ROCK2: variants seen among roughly 807,000 people sequenced by gnomAD.
The protein encoded by ROCK2 is rho-associated protein kinase 2.
A neutral mutation model predicts 195.1 loss-of-function variants in ROCK2; 61 were observed. That is an observed-to-expected ratio of 0.31 (90% confidence interval 0.25 to 0.39). The LOEUF (loss-of-function observed/expected upper bound fraction) is 0.39, where lower values mean the gene tolerates loss of function less well. Among genes scored for constraint, ROCK2 ranks in the 10% least tolerant of loss-of-function variants. The pLI, the probability that ROCK2 is intolerant of heterozygous loss-of-function variation, is 1.00. For missense variants in ROCK2, 1,109 were observed against 1,637.4 expected, an observed-to-expected ratio of 0.68 and a Z score of 5.57; for synonymous variants, 504 against 545.5, an observed-to-expected ratio of 0.92 and a Z score of 1.06.
chr2:11,214,510 T>C lies in ROCK2; in HGVS notation c.1937-47A>G, dbSNP rs759686528. 3.8e-5 allele frequency: 41 copies of C among 1,066,116 alleles called. No individual in the cohort carries two copies. In the East Asian group the frequency reaches 5.0e-4, roughly 13 times the overall value. 66.0% of individuals were successfully genotyped at this position (1,066,116 alleles called of 1,614,324 possible). ...TAAAACATTAAACCCACAAAGTATA[T>C]ACATTCAATTAGGAATAAAAAGTTT... On this transcript the variant is annotated intron_variant, in intron 16 of 32. Coordinates refer to ENST00000315872, the MANE Select transcript of ROCK2 (RefSeq NM_004850.5).
At chr2:11,289,009 T>C (rs528006121) in intron 1 of ROCK2, among the ~76,000 whole-genome samples, 1 of 152,292 alleles carries the variant, frequency 6.6e-6, no homozygotes, top group South Asian at 2.1e-4. Context: ...TTAATTTTCA[T>C]TCACTAAAAA....
chr2:11,277,559 A>T (rs371651074), intron 3 of ROCK2, among the ~76,000 whole-genome samples: 1 of 152,180 alleles, frequency 6.6e-6, no homozygotes, highest in African/African-American at 2.4e-5. Context: ...TGGCTCCCAC[A>T]TATCAGTGAG....
chr2:11,304,777 C>T (rs536467905), intron 1 of ROCK2, among the ~76,000 whole-genome samples: 1 of 152,226 alleles, frequency 6.6e-6, no homozygotes, highest in South Asian at 2.1e-4. Flanking sequence ...GCCTTCTAAA[C>T]GTTTCGAAAT....
intron 32 of ROCK2, among the ~76,000 whole-genome samples, chr2:11,189,964 C>A (rs1455889406): frequency 1.3e-5 from 2 of 152,020 alleles, no homozygotes; most frequent in Non-Finnish European, 2.9e-5. Flanking sequence ...CATTGCACTC[C>A]AGCCTGGGCA....
intron 1 of ROCK2, among the ~76,000 whole-genome samples, chr2:11,320,580 C>G (rs757787881): frequency 6.6e-6 from 1 of 152,196 alleles, no homozygotes; most frequent in Non-Finnish European, 1.5e-5. Flanking sequence ...AGGTCTTACT[C>G]TAGTCTGATA....
chr2:11,282,229 T>C (rs1384543494), intron 3 of ROCK2, among the ~76,000 whole-genome samples: 1 of 152,004 alleles, frequency 6.6e-6, no homozygotes, highest in African/African-American at 2.4e-5. Context: ...CACACGCTTG[T>C]AGTCCCAGCT....
At chr2:11,335,194 A>C (rs1025990213) in intron 1 of ROCK2, among the ~76,000 whole-genome samples, 1 of 151,882 alleles carries the variant, frequency 6.6e-6, no homozygotes, top group Non-Finnish European at 1.5e-5. Context: ...AGAAATGCTA[A>C]GTATTGTGAC....
At chr2:11,327,631 C>G (rs2148258235) in intron 1 of ROCK2, among the ~76,000 whole-genome samples, 1 of 152,304 alleles carries the variant, frequency 6.6e-6, no homozygotes, top group East Asian at 1.9e-4. Context: ...GGTATAATCT[C>G]AGCTCACTGA....
At chr2:11,241,875 G>A (rs541335544) in intron 4 of ROCK2, among the ~76,000 whole-genome samples, 25 of 152,196 alleles carry the variant, frequency 1.6e-4, no homozygotes, top group African/African-American at 5.8e-4. Context: ...TAGGAGAAGG[G>A]GCTTTTGGGA....
intron 20 of ROCK2, 70 bp from the exon 21 acceptor site, chr2:11,202,191 G>T: frequency 7.9e-7 from 1 of 1,273,376 alleles, no homozygotes; most frequent in Non-Finnish European, 1.1e-6. Flanking sequence ...TCAAAGTATG[G>T]TCTGGGGGAA....
chr2:11,317,627 TA>T (rs60288235), intron 1 of ROCK2, among the ~76,000 whole-genome samples: 7 of 31,438 alleles, frequency 2.2e-4, no homozygotes, highest in Non-Finnish European at 3.6e-4. Flanking sequence ...TTTTTTTTTT[TA>T]ATTATACTTT....
chr2:11,201,103 C>CT lies in ROCK2; in HGVS notation c.2763dup (p.Ala922SerfsTer4). On this transcript the variant is annotated frameshift_variant, in exon 23 of 33. Transcript: ENST00000315872. LOFTEE classifies it high-confidence loss of function. The surrounding 1 kb of genome is among the most constrained non-coding windows in gnomAD (Gnocchi z 4.6). Reference sequence around the variant, plus strand: ...GAACGAGCCAGTTGCTCAGAATCTGCTTTGGTCAAGGTGATCTCCAGTTGG... The same window carrying CT: ...GAACGAGCCAGTTGCTCAGAATCTGCTTTTGGTCAAGGTGATCTCCAGTTGG... 6.2e-7 allele frequency: 1 copy of CT among 1,612,910 alleles called. No homozygotes were observed. Among genetic ancestry groups the CT allele is most frequent in the Non-Finnish European group, 8.5e-7 (1 of 1,179,652 alleles).
intron 20 of ROCK2, among the ~76,000 whole-genome samples, chr2:11,204,597 T>G (rs937609205): frequency 1.3e-5 from 2 of 152,216 alleles, no homozygotes; most frequent in Non-Finnish European, 2.9e-5. Flanking sequence ...TGGGCCTTAC[T>G]TACGTCTTTC....
rs78021579 is a variant in ROCK2, at chr2:11,240,658, T to C, written c.463-4696A>G. ...AAGGGTACAAGTGACCACTTTGGGA[T>C]GGTGGAAATGCTCTAAAATCAGATG... On this transcript the variant is annotated intron_variant, in intron 4 of 32. Coordinates refer to ENST00000315872, the MANE Select transcript of ROCK2 (RefSeq NM_004850.5). Among the ~76,000 whole-genome samples the C allele has an allele frequency of 8.9e-3, 1,360 of 152,330 alleles. 16 individuals are homozygous for C. Among genetic ancestry groups the C allele is most frequent in the African/African-American group, 0.031 (1,284 of 41,590 alleles).
rs560814227 is a variant in ROCK2 at position 11,201,555 on chromosome 2, T to C, written c.2620-142A>G. The stretch of plus-strand genomic sequence containing the variant: ...GTCCCCGAGCAAATGAATAGTTTAA[T>C]GAACTTTCCTATTTCTAGTCATCAA... On this transcript the variant is annotated intron_variant, in intron 21 of 32. Transcript: ENST00000315872. The surrounding 1 kb of genome is among the most constrained non-coding windows in gnomAD (Gnocchi z 4.6). 125 of 602,128 alleles carry C rather than the reference T, an allele frequency of 2.1e-4. No individual in the cohort carries two copies. The highest frequency in any genetic ancestry group is 6.5e-4 in the Admixed American group (22 of 33,642). The allele number at this position is 602,128 out of a possible 1,614,324, so 37.3% of individuals were successfully genotyped here.
chr2:11,319,651 GT>G (rs1668340680), intron 1 of ROCK2, among the ~76,000 whole-genome samples: 3 of 152,084 alleles, frequency 2.0e-5, no homozygotes, highest in Admixed American at 1.3e-4. Flanking sequence ...AATAGGAGTG[GT>G]GAGAGAGGGC....
intron 1 of ROCK2, among the ~76,000 whole-genome samples, chr2:11,317,585 T>TATAAAAAAAAAAAAAAA (rs1476072450): frequency 2.6e-4 from 3 of 11,620 alleles, no homozygotes; most frequent in African/African-American, 9.0e-4. Context: ...TTTATATATA[T>TATAAAAAAAAAAAAAAA]ATATATATAT....
intron 1 of ROCK2, among the ~76,000 whole-genome samples, chr2:11,314,496 A>G (rs1186025018): frequency 6.6e-6 from 1 of 151,974 alleles, no homozygotes; most frequent in Non-Finnish European, 1.5e-5. Flanking sequence ...TATTTACATG[A>G]ATAAGGTTTC....
Position 11,214,410 on chromosome 2 carries a change from T to C in ROCK2, c.1990A>G (p.Lys664Glu). The C allele has an allele frequency of 1.2e-6, 2 of 1,611,470 alleles. No individual in the cohort carries two copies. Among genetic ancestry groups the C allele is most frequent in the Non-Finnish European group, 8.5e-7 (1 of 1,178,136 alleles). ...AGTTGTCTCTTCTCCAGTTCTACTT[T>C]CGCTAGTAAGATTTTGCCGTTCTTT... ...DLKNGKILLA[K>E]VELEKRQLQE... is the part of the protein sequence containing the mutation. Residue 664 changes from lysine to glutamate, a missense_variant, in exon 17 of 33, where the codon AAA becomes GAA. Lys to Glu is a moderately conservative substitution (Grantham distance 56). Coordinates refer to ENST00000315872, the MANE Select transcript of ROCK2 (RefSeq NM_004850.5).
Sources: allele counts gnomAD v4.1 joint callset (sites outside exome capture counted in the v4.1 genomes callset), GRCh38; gene constraint gnomAD v4.1.1; non-coding constraint Gnocchi (gnomAD v3.1); transcripts MANE v1.5; gene names NCBI Gene and HGNC (gene_info 2026-07-23, HGNC 2026-07-21).